Variants in HNRNPD observed in about 807,000 individuals in gnomAD.
HNRNPD encodes heterogeneous nuclear ribonucleoprotein D0.
Under a neutral mutation model 47.9 loss-of-function variants are expected in HNRNPD, and 3 were observed. The ratio of observed to expected loss-of-function variants is 0.06; its 90% CI spans 0.03 to 0.16. HNRNPD has a LOEUF of 0.16. Among genes scored for constraint, HNRNPD ranks in the 10% least tolerant of loss-of-function variants. HNRNPD has a pLI of 1.00. For synonymous variants in HNRNPD, 171 were observed against 165.1 expected (o/e 1.04, Z -0.28); for missense variants, 287 against 454.2 (o/e 0.63, Z 3.35).
Position 82,356,575 on chromosome 4 carries a change from G to A in HNRNPD, c.962C>T (p.Thr321Ile). 1 of 1,610,512 alleles carries A rather than the reference G, an allele frequency of 6.2e-7. No individual in the cohort carries two copies. Among genetic ancestry groups the A allele is most frequent in the Non-Finnish European group, 8.5e-7 (1 of 1,178,442 alleles). ...ATATCCATAGTAGTTGTTGTAACCA[G>A]TGTAGTCATATCCTCCATAACCACC... Reference protein sequence around the residue: ...GYGGYGGYDYTGYNNYYGYGD... With the variant: ...GYGGYGGYDYIGYNNYYGYGD... Residue 321 changes from threonine (T) to isoleucine (I), a missense_variant, in exon 7 of 9, where the codon ACT (threonine) becomes ATT (isoleucine). Transcript: ENST00000313899.
chr4:82,370,136 C>T (rs1369930375), intron 2 of HNRNPD, among the ~76,000 whole-genome samples: 3 of 152,134 alleles, frequency 2.0e-5, no homozygotes, highest in Non-Finnish European at 4.4e-5. Flanking sequence ...AAGCTAAACT[C>T]CGTCTCAAAA....
chr4:82,361,287 C>T (rs1719418553), intron 2 of HNRNPD, among the ~76,000 whole-genome samples: 1 of 152,118 alleles, frequency 6.6e-6, no homozygotes, highest in South Asian at 2.1e-4. Flanking sequence ...ACTTCCTTCA[C>T]AGACAGAAGT....
intron 4 of HNRNPD, 149 bp downstream of exon 4, chr4:82,358,510 A>C: frequency 2.9e-6 from 2 of 678,742 alleles, no homozygotes; most frequent in Non-Finnish European, 5.0e-6. Flanking sequence ...AAGACCTGCT[A>C]ATGAAGTATT....
At chr4:82,358,944 T>G in intron 3 of HNRNPD, 124 bp from the exon 4 acceptor site, 1 of 717,156 alleles carries the variant, frequency 1.4e-6, no homozygotes, top group East Asian at 2.7e-5. Flanking sequence ...TGCTCAAGAT[T>G]AAACTGTCAA....
intron 2 of HNRNPD, among the ~76,000 whole-genome samples, chr4:82,369,857 G>A (rs909585175): frequency 3.9e-5 from 6 of 152,192 alleles, no homozygotes; most frequent in Admixed American, 3.3e-4. Flanking sequence ...AATCAACCTG[G>A]CTAGGCCGGG....
chr4:82,371,694 TAA>T, intron 1 of HNRNPD, 110 bp from the exon 2 acceptor site: 1 of 736,586 alleles, frequency 1.4e-6, no homozygotes, highest in East Asian at 2.8e-5. Context: ...TAGGTAACTA[TAA>T]AGTCAGCTGC....
chr4:82,367,025 CCTT>C (rs2109999596), intron 2 of HNRNPD, among the ~76,000 whole-genome samples: 1 of 115,382 alleles, frequency 8.7e-6, no homozygotes, highest in East Asian at 2.3e-4. Context: ...AACACACTAG[CCTT>C]TTTTTTTTTT....
At chr4:82,364,044 A>C (rs1034545613) in intron 2 of HNRNPD, among the ~76,000 whole-genome samples, 1 of 152,132 alleles carries the variant, frequency 6.6e-6, no homozygotes, top group African/African-American at 2.4e-5. Flanking sequence ...TGGCTCCATG[A>C]CAGCTCATTG....
At chr4:82,373,141 C>G (rs867131968) in intron 1 of HNRNPD, 1 of 607,490 alleles carries the variant, frequency 1.6e-6, no homozygotes, top group Admixed American at 2.1e-5. Flanking sequence ...GGGAAAAAAT[C>G]CTGGCGGCTA....
chr4:82,359,898 A>G (rs777254952), intron 2 of HNRNPD, among the ~76,000 whole-genome samples: 1 of 152,198 alleles, frequency 6.6e-6, no homozygotes, highest in Non-Finnish European at 1.5e-5. Flanking sequence ...ATATACCCAA[A>G]GTAAAAATAC....
rs1720045495 is a variant in HNRNPD at position 82,371,476 on chromosome 4, A to G, written c.290+52T>C. On this transcript the variant is annotated intron_variant, in intron 2 of 8. Coordinates refer to ENST00000313899, the MANE Select transcript of HNRNPD (RefSeq NM_031370.3). ...ACTAACCAATACACAGCCTCTACAT[A>G]TTATGACTACTGAAACCTTTATAAT... 7 of 1,414,808 alleles carry G rather than the reference A, an allele frequency of 4.9e-6. No homozygotes were observed. In the African/African-American group the frequency reaches 7.1e-5, roughly 14 times the overall value. 87.6% of individuals were successfully genotyped at this position (1,414,808 alleles called of 1,614,324 possible). A position where few individuals can be genotyped will look rare whatever the true frequency, so the allele number is the denominator to read the frequency against.
At chr4:82,372,821 T>C (rs1720126602) in intron 1 of HNRNPD, among the ~76,000 whole-genome samples, 2 of 152,150 alleles carry the variant, frequency 1.3e-5, no homozygotes, top group Non-Finnish European at 2.9e-5. Flanking sequence ...AGGGCCTGTA[T>C]GAGTATGCCA....
intron 1 of HNRNPD, 114 bp from the exon 2 acceptor site, chr4:82,371,698 G>A (rs1720054384): frequency 2.8e-6 from 2 of 716,400 alleles, no homozygotes; most frequent in Non-Finnish European, 4.7e-6. Flanking sequence ...TAACTATAAA[G>A]TCAGCTGCTT....
At chr4:82,364,264 GC>G (rs1045452152) in intron 2 of HNRNPD, among the ~76,000 whole-genome samples, 1 of 152,090 alleles carries the variant, frequency 6.6e-6, no homozygotes, top group African/African-American at 2.4e-5. Flanking sequence ...ACTCCACCTG[GC>G]CCCCTGCCTC....
intron 2 of HNRNPD, among the ~76,000 whole-genome samples, chr4:82,363,441 T>G (rs534738718): frequency 1.3e-5 from 2 of 152,352 alleles, no homozygotes; most frequent in South Asian, 2.1e-4. Context: ...AGATTACCTC[T>G]GCTGCCTTGA....
chr4:82,362,539 A>T (rs1355301549), intron 2 of HNRNPD, among the ~76,000 whole-genome samples: 1 of 152,192 alleles, frequency 6.6e-6, no homozygotes, highest in Non-Finnish European at 1.5e-5. Context: ...ATGAACACAA[A>T]CTGGACCAAT....
chr4:82,369,298 TG>T (rs1719914614), intron 2 of HNRNPD, among the ~76,000 whole-genome samples: 1 of 152,140 alleles, frequency 6.6e-6, no homozygotes. Context: ...GATGTTAATG[TG>T]GGAAAGAGTA....
chr4:82,373,974 C>A lies in HNRNPD; in HGVS notation c.-296G>T, dbSNP rs1045038659. 3.1e-6 allele frequency: 2 copies of A among 654,962 alleles called. No homozygotes were observed. Among genetic ancestry groups the A allele is most frequent in the African/African-American group, 3.9e-5 (2 of 51,666 alleles). 40.6% of individuals were successfully genotyped at this position (654,962 alleles called of 1,614,324 possible). On this transcript the variant is annotated 5_prime_UTR_variant, in exon 1 of 9. Coordinates refer to ENST00000313899, the MANE Select transcript of HNRNPD (RefSeq NM_031370.3). ...CTCGCTTTAATGGCGCCGCCGCGGA[C>A]CACCTAAAATGGCCGACGGAAGAAC...
chr4:82,370,981 T>TATACACATATACACAC (rs142474751), intron 2 of HNRNPD, among the ~76,000 whole-genome samples: 3 of 149,354 alleles, frequency 2.0e-5, no homozygotes, highest in Non-Finnish European at 3.0e-5. Context: ...GGTATATATA[T>TATACACATATACACAC]ACACACACAC....
Sources: gnomAD v4.1 joint callset for allele counts (sites outside exome capture counted in the v4.1 genomes callset) on GRCh38, gnomAD v4.1.1 for gene constraint, MANE v1.5 for transcripts, NCBI Gene and HGNC (gene_info 2026-07-23, HGNC 2026-07-21) for gene names.